DERA: variants seen among roughly 807,000 people sequenced by gnomAD.
DERA encodes the protein deoxyribose-phosphate aldolase, also known as 2-deoxy-D-ribose 5-phosphate aldolase.
DERA carries 15 observed loss-of-function variants against 41.1 expected under a neutral mutation model. The observed-to-expected ratio is 0.37, with a 90% CI of 0.24 to 0.56. The LOEUF is 0.56. DERA is among the 20% of genes least tolerant of loss of function. The pLI, the probability that DERA is intolerant of heterozygous loss-of-function variation, is 0.81. For synonymous variants in DERA, 139 were observed against 137.4 expected, an observed-to-expected ratio of 1.01 and a Z score of -0.08; for missense variants, 396 against 403.4, an observed-to-expected ratio of 0.98 and a Z score of 0.16.
At chr12:15,917,766 T>C (rs1024837880) in intron 1 of DERA, among the ~76,000 whole-genome samples, 1 of 152,108 alleles carries the variant, frequency 6.6e-6, no homozygotes, top group Admixed American at 6.5e-5. Context: ...GGTGGGTGTT[T>C]CAACAAGGTA....
intron 5 of DERA, among the ~76,000 whole-genome samples, chr12:15,977,328 G>A (rs756182163): frequency 6.6e-5 from 10 of 152,172 alleles, no homozygotes; most frequent in Admixed American, 6.5e-5. Flanking sequence ...TGCTGGGATA[G>A]AGGCAGAAAA....
chr12:15,993,937 A>G lies in DERA; in HGVS notation c.637+11501A>G, dbSNP rs900492322. Among the ~76,000 whole-genome samples, 3 of 152,242 alleles carry G rather than the reference A, an allele frequency of 2.0e-5. No individual in the cohort carries two copies. Among genetic ancestry groups the G allele is most frequent in the African/African-American group, 7.2e-5 (3 of 41,470 alleles). On this transcript the variant is annotated intron_variant, in intron 6 of 8. Coordinates refer to ENST00000428559, the MANE Select transcript of DERA (RefSeq NM_015954.4). The surrounding 1 kb of genome is among the most constrained non-coding windows in gnomAD (Gnocchi z 4.4). ...TTGAGTATATGACAGACATTTAAAC[A>G]TAAAATGTTTTCTTTGTTTCTTCAT...
intron 1 of DERA, among the ~76,000 whole-genome samples, chr12:15,942,257 A>G (rs1948414030): frequency 6.6e-6 from 1 of 152,030 alleles, no homozygotes; most frequent in Non-Finnish European, 1.5e-5. Context: ...TAGATTCTGA[A>G]TGCTATTCTT....
At chr12:15,958,431 G>A in intron 3 of DERA, 96 bp downstream of exon 3, 2 of 929,648 alleles carry the variant, frequency 2.2e-6, no homozygotes, top group Non-Finnish European at 1.5e-6. Context: ...AATGATAGCG[G>A]TGATAGAATC....
At position 15,994,386 on chromosome 12, in the gene DERA, T is replaced by C. The variant is rs1448979929; in HGVS notation, c.637+11950T>C. Among the ~76,000 whole-genome samples the C allele has an allele frequency of 6.6e-6, 1 of 152,284 alleles. No individual in the cohort carries two copies. The highest frequency in any genetic ancestry group is 1.5e-5 in the Non-Finnish European group (1 of 68,052). ...TGAGATTCTGTTATTCCTTTATCTG[T>C]AATTCCTAGCATATTAACTCTTGGT... On this transcript the variant is annotated intron_variant, in intron 6 of 8. Transcript: ENST00000428559. The surrounding 1 kb of genome is among the most constrained non-coding windows in gnomAD (Gnocchi z 4.8).
intron 1 of DERA, among the ~76,000 whole-genome samples, chr12:15,927,737 A>G (rs1329163712): frequency 6.6e-6 from 1 of 152,172 alleles, no homozygotes; most frequent in Non-Finnish European, 1.5e-5. Context: ...AAATTACTTT[A>G]TATACTTTTG....
chr12:15,975,541 C>T (rs1226013381), intron 5 of DERA, among the ~76,000 whole-genome samples: 1 of 152,172 alleles, frequency 6.6e-6, no homozygotes, highest in African/African-American at 2.4e-5. Context: ...AGTCTAGTCC[C>T]CAGGCAAGAA....
chr12:15,978,472 A>G (rs1054192977), intron 5 of DERA, among the ~76,000 whole-genome samples: 3 of 152,212 alleles, frequency 2.0e-5, no homozygotes, highest in Non-Finnish European at 4.4e-5. Context: ...TATTCTAGCA[A>G]CATATATTAT....
In DERA at chr12:15,911,637, G is replaced by A; in HGVS notation, c.31+223G>A. ...ACCTAAGCTTTTACTCTTGTATGCG[G>A]AAGGAGTAGGAAAGGGTTAGATTAT... On this transcript the variant is annotated intron_variant, in intron 1 of 8. Coordinates refer to ENST00000428559, the MANE Select transcript of DERA (RefSeq NM_015954.4). This position sits in a 1 kb window ranked among gnomAD's most constrained non-coding sequence, Gnocchi z 4.5. The A allele has an allele frequency of 1.4e-6, 1 of 695,984 alleles. No individual in the cohort carries two copies. The highest frequency in any genetic ancestry group is 2.6e-6 in the Non-Finnish European group (1 of 381,690). 43.1% of individuals were successfully genotyped at this position (695,984 alleles called of 1,614,324 possible). A position where few individuals can be genotyped will look rare whatever the true frequency, so the allele number is the denominator to read the frequency against.
Position 15,921,426 on chromosome 12 carries a change from C to T in DERA, c.31+10012C>T, listed in dbSNP as rs979744139. On this transcript the variant is annotated intron_variant, in intron 1 of 8. Coordinates refer to ENST00000428559, the MANE Select transcript of DERA (RefSeq NM_015954.4). The surrounding 1 kb of genome is among the most constrained non-coding windows in gnomAD (Gnocchi z 5.3). ...TGAGATTAACCAGAAAGAGTAATTCCGTTAATTTTCTGGTAGAAAAAAACA... is the reference window on the plus strand; with the variant it reads ...TGAGATTAACCAGAAAGAGTAATTCTGTTAATTTTCTGGTAGAAAAAAACA... 6.6e-6 allele frequency among the ~76,000 whole-genome samples: 1 copy of T among 151,816 alleles called. No individual in the cohort carries two copies. Among genetic ancestry groups the T allele is most frequent in the Admixed American group, 6.5e-5 (1 of 15,268 alleles).
At chr12:15,914,407 A>G (rs892632238) in intron 1 of DERA, among the ~76,000 whole-genome samples, 69 of 151,540 alleles carry the variant, frequency 4.6e-4, no homozygotes, top group Non-Finnish European at 8.6e-4. Flanking sequence ...AAAAAAAAAA[A>G]AAAAAGAAAA....
chr12:16,016,268 C>T (rs992525057), intron 6 of DERA, among the ~76,000 whole-genome samples: 2 of 152,124 alleles, frequency 1.3e-5, no homozygotes, highest in Admixed American at 6.5e-5. Flanking sequence ...CTAGGGCTCC[C>T]TTCACATAAC....
Position 16,032,616 on chromosome 12 carries a change from C to A in DERA, c.712C>A (p.Arg238=). ...ATFPVAIVML[R]AIRDFFWKTG... ...CTTCCCGGTAGCTATAGTAATGCTG[C>A]GGGCCATTAGAGATTTCTTCTGGAA... Residue 238 remains arginine (R), a synonymous_variant, in exon 7 of 9, where the codon CGG becomes AGG. Transcript: ENST00000428559. The A allele has an allele frequency of 6.4e-7, 1 of 1,566,096 alleles. No homozygotes were observed. Among genetic ancestry groups the A allele is most frequent in the Admixed American group, 1.9e-5 (1 of 53,110 alleles).
At position 15,943,234 on chromosome 12, in the gene DERA, A is replaced by G. The variant is rs1226508924; in HGVS notation, c.32-13702A>G. On this transcript the variant is annotated intron_variant, in intron 1 of 8. Coordinates refer to ENST00000428559, the MANE Select transcript of DERA (RefSeq NM_015954.4). This position sits in a 1 kb window ranked among gnomAD's most constrained non-coding sequence, Gnocchi z 4.5. ...CTCTCCAGGTGAGAATAACAGCACC[A>G]GAGATTGAGTAGCTCTTATTTGTTT... 6.6e-6 allele frequency among the ~76,000 whole-genome samples: 1 copy of G among 152,246 alleles called. No homozygotes were observed. The highest frequency in any genetic ancestry group is 1.5e-5 in the Non-Finnish European group (1 of 68,044).
chr12:15,940,218 T>A lies in DERA; in HGVS notation c.32-16718T>A, dbSNP rs994498322. Among the ~76,000 whole-genome samples the A allele has an allele frequency of 1.3e-5, 2 of 152,250 alleles. No individual in the cohort carries two copies. The highest frequency in any genetic ancestry group is 4.8e-5 in the African/African-American group (2 of 41,476). On this transcript the variant is annotated intron_variant, in intron 1 of 8. Transcript: ENST00000428559. This position sits in a 1 kb window ranked among gnomAD's most constrained non-coding sequence, Gnocchi z 5.1. ...TTTTTTATTTGATAAATTAGATTTT[T>A]AAAATGAGTCAATATTCAAATTAAC... is the stretch of plus-strand genomic sequence containing the variant.
intron 4 of DERA, among the ~76,000 whole-genome samples, chr12:15,962,219 A>G (rs757635680): frequency 6.6e-6 from 1 of 152,092 alleles, no homozygotes; most frequent in Non-Finnish European, 1.5e-5. Flanking sequence ...CCCTGCCTCA[A>G]TTTGGTGGAC....
intron 1 of DERA, among the ~76,000 whole-genome samples, chr12:15,926,215 TG>T (rs999546847): frequency 6.6e-6 from 1 of 151,950 alleles, no homozygotes; most frequent in Non-Finnish European, 1.5e-5. Context: ...CTTTTCAAGA[TG>T]AAGTCTTGCT....
intron 6 of DERA, among the ~76,000 whole-genome samples, chr12:16,031,014 C>G (rs1949088935): frequency 1.3e-5 from 2 of 152,232 alleles, no homozygotes; most frequent in South Asian, 4.1e-4. Flanking sequence ...CTTCATTTCT[C>G]TTTGTATAAT....
At chr12:15,991,597 A>G (rs1231435462) in intron 6 of DERA, among the ~76,000 whole-genome samples, 1 of 152,210 alleles carries the variant, frequency 6.6e-6, no homozygotes, top group African/African-American at 2.4e-5. Context: ...AGAAACAAAT[A>G]AAAGCATTTT....
Sources: gnomAD v4.1 joint callset for allele counts (sites outside exome capture counted in the v4.1 genomes callset) on GRCh38, gnomAD v4.1.1 for gene constraint, Gnocchi (gnomAD v3.1) non-coding constraint, MANE v1.5 for transcripts, NCBI Gene and HGNC (gene_info 2026-07-23, HGNC 2026-07-21) for gene names.